The following UNC80 variants were observed in gnomAD, a reference collection of about 807,000 sequenced individuals.
UNC80 encodes protein unc-80 homolog.
A neutral mutation model predicts 384.6 loss-of-function variants in UNC80; 164 were observed. The observed-to-expected ratio is 0.43, with a 90% confidence interval of 0.38 to 0.49. UNC80 has a LOEUF of 0.49. UNC80 is among the 20% of genes least tolerant of loss of function. The pLI is 0.00. For synonymous variants in UNC80, 1,486 were observed against 1,527.8 expected (o/e 0.97, Z 0.64); for missense variants, 3,330 against 4,143.0 (o/e 0.80, Z 5.39).
chr2:209,977,571 G>A (rs1377848254), intron 58 of UNC80, among the ~76,000 whole-genome samples: 1 of 152,164 alleles, frequency 6.6e-6, no homozygotes, highest in Non-Finnish European at 1.5e-5. Context: ...TAATTTACAA[G>A]TAAATAACTT....
intron 44 of UNC80, among the ~76,000 whole-genome samples, chr2:209,941,823 C>T (rs949762323): frequency 1.3e-5 from 2 of 152,118 alleles, no homozygotes; most frequent in Non-Finnish European, 2.9e-5. Flanking sequence ...CCTGTAATGC[C>T]AGCACTTTGG....
At chr2:209,919,231 T>A (rs890981160) in intron 33 of UNC80, among the ~76,000 whole-genome samples, 6 of 152,098 alleles carry the variant, frequency 3.9e-5, no homozygotes, top group African/African-American at 7.2e-5. Context: ...TTGAAAAAAA[T>A]TCATCTTCAG....
At chr2:209,904,601 A>G (rs2087948579) in intron 28 of UNC80, among the ~76,000 whole-genome samples, 164 bp from the exon 29 acceptor site, 1 of 152,240 alleles carries the variant, frequency 6.6e-6, no homozygotes, top group African/African-American at 2.4e-5. Flanking sequence ...GGCCATGTGG[A>G]TAAAGAACCC....
intron 2 of UNC80, among the ~76,000 whole-genome samples, chr2:209,774,911 A>G (rs764349153): frequency 1.4e-4 from 22 of 152,172 alleles, no homozygotes; most frequent in Admixed American, 4.6e-4. Context: ...GTAGTAAGCC[A>G]TATTAGGATA....
chr2:209,808,091 C>A (rs999334683), intron 7 of UNC80, among the ~76,000 whole-genome samples: 3 of 152,218 alleles, frequency 2.0e-5, no homozygotes, highest in Admixed American at 6.5e-5. Flanking sequence ...ATCTGCTGAA[C>A]TAACATGCCC....
At chr2:209,956,298 A>T (rs2092411309) in intron 48 of UNC80, among the ~76,000 whole-genome samples, 1 of 28 alleles carries the variant, frequency 0.036, no homozygotes, top group Non-Finnish European at 0.056. Context: ...TACAAAAAGA[A>T]GATAAGAATT....
intron 1 of UNC80, among the ~76,000 whole-genome samples, chr2:209,772,406 C>G (rs1262136237): frequency 2.0e-5 from 3 of 148,388 alleles, no homozygotes; most frequent in Non-Finnish European, 4.5e-5. Context: ...TAAATGTATA[C>G]ATTATTTTAG....
chr2:209,892,395 A>ATC (rs1327695811), intron 26 of UNC80, among the ~76,000 whole-genome samples: 2 of 152,184 alleles, frequency 1.3e-5, no homozygotes, highest in East Asian at 3.9e-4. Flanking sequence ...GTGCTGCACA[A>ATC]TCTCAACTGA....
chr2:209,780,120 G>A (rs535586817), intron 4 of UNC80, among the ~76,000 whole-genome samples: 2 of 152,306 alleles, frequency 1.3e-5, no homozygotes, highest in Non-Finnish European at 1.5e-5. Flanking sequence ...TTTTATTGCT[G>A]CTGGTATTAT....
chr2:209,984,999 C>A, intron 61 of UNC80, 87 bp downstream of exon 61: 1 of 1,169,112 alleles, frequency 8.6e-7, no homozygotes, highest in Non-Finnish European at 1.2e-6. Context: ...TCTTCTCTGT[C>A]TCTTCTCGCC....
chr2:209,834,993 C>G lies in UNC80; in HGVS notation c.3024C>G (p.Pro1008=), dbSNP rs1352013887. Residue 1008 remains proline (P), a synonymous_variant, in exon 18 of 65, where the codon CCC becomes CCG. Transcript: ENST00000673920. ...GTCGCAGCTTCATGTCTGGTCGCCCCTCACAGACTCCAGAGCAGTAAGTAG... is the reference window on the plus strand; with the variant it reads ...GTCGCAGCTTCATGTCTGGTCGCCCGTCACAGACTCCAGAGCAGTAAGTAG... ...EECRSFMSGR[P]SQTPEHDEQM... is the part of the protein sequence containing the mutation. 1 of 1,550,616 alleles carries G rather than the reference C, an allele frequency of 6.4e-7. No homozygotes were observed. The highest frequency in any genetic ancestry group is 1.4e-5 in the African/African-American group (1 of 73,014).
chr2:209,815,332 C>T lies in UNC80; in HGVS notation c.1276C>T (p.Leu426=). The T allele has an allele frequency of 6.4e-7, 1 of 1,551,678 alleles. No homozygotes were observed. The highest frequency in any genetic ancestry group is 8.7e-7 in the Non-Finnish European group (1 of 1,146,972). Residue 426 remains leucine (L), a synonymous_variant, in exon 9 of 65, where the codon CTG becomes TTG. Transcript: ENST00000673920. ...CTTTTCCAAGGTTTCACTGACCAATCTGCGTAGATCTGCAGTCCCAGATCT... is the reference window on the plus strand; with the variant it reads ...CTTTTCCAAGGTTTCACTGACCAATTTGCGTAGATCTGCAGTCCCAGATCT... ...EAFSKVSLTN[L]RRSAVPDLSS...
chr2:209,853,354 G>T (rs1325636594), intron 22 of UNC80, among the ~76,000 whole-genome samples: 1 of 151,856 alleles, frequency 6.6e-6, no homozygotes, highest in Non-Finnish European at 1.5e-5. Flanking sequence ...ATTTTCTTCA[G>T]AATTAAAAAG....
chr2:209,995,137 A>G (rs576844369), intron 64 of UNC80, among the ~76,000 whole-genome samples, 192 bp from the exon 65 acceptor site: 1 of 152,200 alleles, frequency 6.6e-6, no homozygotes, highest in Non-Finnish European at 1.5e-5. Context: ...AATTGTGTTC[A>G]TGTTACATGT....
In UNC80 at chr2:209,837,304, C is replaced by G. The variant is rs555052440; in HGVS notation, c.3042-1918C>G. On this transcript the variant is annotated intron_variant, in intron 18 of 64. Transcript: ENST00000673920. ...TTTCATCAAATATTATGTATTTTCTCTACCTTGTACTTTCCAAATTACTGC... is the reference window on the plus strand; with the variant it reads ...TTTCATCAAATATTATGTATTTTCTGTACCTTGTACTTTCCAAATTACTGC... Among the ~76,000 whole-genome samples, 12 of 152,302 alleles carry G rather than the reference C, an allele frequency of 7.9e-5. No homozygotes were observed. In the South Asian group the frequency reaches 2.1e-3, roughly 26 times the overall value.
At chr2:209,943,749 G>A (rs1230372261) in intron 45 of UNC80, among the ~76,000 whole-genome samples, 4 of 152,258 alleles carry the variant, frequency 2.6e-5, no homozygotes, top group Admixed American at 6.5e-5. Flanking sequence ...ACTAGTAGTT[G>A]GGCATCTTAT....
At chr2:209,874,333 G>A (rs895003147) in intron 23 of UNC80, among the ~76,000 whole-genome samples, 20 of 152,306 alleles carry the variant, frequency 1.3e-4, no homozygotes, top group Admixed American at 2.0e-4. Flanking sequence ...TTCAAGGAAG[G>A]TCTTATTGAG....
rs1411684906 is a variant in UNC80 at position 209,933,578 on chromosome 2, A to G, written c.5995-244A>G. 3.4e-5 allele frequency among the ~76,000 whole-genome samples: 5 copies of G among 147,722 alleles called. 1 individual carries two copies. Among genetic ancestry groups the G allele is most frequent in the Non-Finnish European group, 7.5e-5 (5 of 66,914 alleles). On this transcript the variant is annotated intron_variant, in intron 38 of 64. Coordinates refer to ENST00000673920, the MANE Select transcript of UNC80 (RefSeq NM_001371986.1). ...TGATGCCTGGGTGGGGGGAGGGGGGAATGATCTGCTTTTTTCTTAAGAATT... is the reference window on the plus strand; with the variant it reads ...TGATGCCTGGGTGGGGGGAGGGGGGGATGATCTGCTTTTTTCTTAAGAATT...
Position 209,995,598 on chromosome 2 carries a change from C to A in UNC80, c.*3C>A. 1 of 1,551,714 alleles carries A rather than the reference C, an allele frequency of 6.4e-7. No homozygotes were observed. Among genetic ancestry groups the A allele is most frequent in the Non-Finnish European group, 8.7e-7 (1 of 1,146,916 alleles). ...TATTAGATGAGTCTCATGTTTAATT[C>A]TGTATCTTGTAAGCTCTGCAGGTAT... On this transcript the variant is annotated 3_prime_UTR_variant, in exon 65 of 65. Coordinates refer to ENST00000673920, the MANE Select transcript of UNC80 (RefSeq NM_001371986.1).
Sources: allele counts gnomAD v4.1 joint callset (sites outside exome capture counted in the v4.1 genomes callset), GRCh38; gene constraint gnomAD v4.1.1; transcripts MANE v1.5; gene names NCBI Gene and HGNC (gene_info 2026-07-23, HGNC 2026-07-21).